Variants in ZPR1 observed in about 807,000 individuals in gnomAD.
ZPR1 encodes ZPR1 zinc finger, also known as zinc finger protein ZPR1.
Under a neutral mutation model 59.6 loss-of-function variants are expected in ZPR1, and 37 were observed. The ratio of observed to expected loss-of-function variants is 0.62; its 90% confidence interval spans 0.48 to 0.82. The LOEUF (loss-of-function observed/expected upper bound fraction) is 0.82, where lower values mean the gene tolerates loss of function less well. Among genes scored for constraint, ZPR1 ranks in the 40% least tolerant of loss-of-function variants. The probability of loss-of-function intolerance (pLI) is 0.00; values close to 1 mark genes in which losing one functional copy is unlikely to be tolerated. For synonymous variants in ZPR1, 191 were observed against 215.2 expected (o/e 0.89, Z 0.99); for missense variants, 527 against 579.9 (o/e 0.91, Z 0.94).
chr11:116,779,721 G>T, intron 13 of ZPR1, 51 bp downstream of exon 13: 1 of 1,342,192 alleles, frequency 7.5e-7, no homozygotes, highest in Non-Finnish European at 1.1e-6. Flanking sequence ...ACATATTCAA[G>T]GAAGATCAGA....
chr11:116,775,627 C>CAAAAAAAAAAAAAAAAAAAAAAAAAAAAA lies in ZPR1; in HGVS notation c.*3269_*3297dup, dbSNP rs36148817. The CAAAAAAAAAAAAAAAAAAAAAAAAAAAAA allele has an allele frequency of 1.4e-5, 1 of 72,916 alleles. No homozygotes were observed. Among genetic ancestry groups the CAAAAAAAAAAAAAAAAAAAAAAAAAAAAA allele is most frequent in the Non-Finnish European group, 2.9e-5 (1 of 34,868 alleles). 4.5% of individuals were successfully genotyped at this position (72,916 alleles called of 1,614,324 possible). On this transcript the variant is annotated 3_prime_UTR_variant, in exon 14 of 14. Transcript: ENST00000227322. ...TGGGCAACAGAGTGAGACTCCGTCTCAAAAAAAAAAAAAAAAAAAAAAAAA... is the reference window on the plus strand; with the variant it reads ...TGGGCAACAGAGTGAGACTCCGTCTCAAAAAAAAAAAAAAAAAAAAAAAAAAAAAAAAAAAAAAAAAAAAAAAAAAAAAA...
rs1255761831 is a variant in ZPR1 at position 116,783,705 on chromosome 11, CCAAT to C, written c.892-90_892-87del. ...AGACCTGGAGTGTAGGCTTGGACAT[CCAAT>C]CAGTTAGGGCCATTAATAGCTACCA... On this transcript the variant is annotated intron_variant, in intron 9 of 13. Coordinates refer to ENST00000227322, the MANE Select transcript of ZPR1 (RefSeq NM_003904.5). 2.0e-4 allele frequency: 217 copies of C among 1,101,508 alleles called. 1 individual carries two copies. The highest frequency in any genetic ancestry group is 1.8e-3 in the Middle Eastern group (9 of 5,048). The allele number at this position is 1,101,508 out of a possible 1,614,324, so 68.2% of individuals were successfully genotyped here.
At chr11:116,787,360 G>T in intron 2 of ZPR1, 122 bp downstream of exon 2, 1 of 1,066,216 alleles carries the variant, frequency 9.4e-7, no homozygotes, top group African/African-American at 1.6e-5. Flanking sequence ...TTTTACAAAA[G>T]AAACTAAGGC....
intron 4 of ZPR1, 75 bp downstream of exon 4, chr11:116,786,436 A>G: frequency 2.0e-6 from 3 of 1,537,564 alleles, no homozygotes; most frequent in Non-Finnish European, 2.7e-6. Flanking sequence ...TTAGTCAGAG[A>G]CTCTTCAGAC....
chr11:116,786,944 C>A, intron 3 of ZPR1, 25 bp downstream of exon 3: 1 of 1,594,782 alleles, frequency 6.3e-7, no homozygotes, highest in South Asian at 1.1e-5. Context: ...TGCGAACAGC[C>A]CAAATACTCT....
chr11:116,777,128 AAG>A lies in ZPR1; in HGVS notation c.*1795_*1796del, dbSNP rs892754224. 1 of 152,238 alleles carries A rather than the reference AAG, an allele frequency of 6.6e-6. No homozygotes were observed. The highest frequency in any genetic ancestry group is 1.5e-5 in the Non-Finnish European group (1 of 68,052). The allele number at this position is 152,238 out of a possible 1,614,324, so 9.4% of individuals were successfully genotyped here. ...CAGAACTCTCAGAAACAAATTTAGT[AAG>A]AGGGGAGGAGGCAAAGTGTCCAAAT... is the stretch of plus-strand genomic sequence containing the variant. On this transcript the variant is annotated 3_prime_UTR_variant, in exon 14 of 14. Coordinates refer to ENST00000227322, the MANE Select transcript of ZPR1 (RefSeq NM_003904.5).
chr11:116,784,261 A>C, intron 9 of ZPR1, 117 bp downstream of exon 9: 4 of 1,035,332 alleles, frequency 3.9e-6, no homozygotes, highest in Non-Finnish European at 5.9e-6. Flanking sequence ...CCTAAGAAAA[A>C]GACCCAAGCT....
chr11:116,787,126 G>C, intron 2 of ZPR1, 67 bp from the exon 3 acceptor site: 1 of 1,390,224 alleles, frequency 7.2e-7, no homozygotes, highest in East Asian at 2.3e-5. Flanking sequence ...GTAATAACCA[G>C]ACCGTCCCCT....
rs1224100724 is a variant in ZPR1 at position 116,784,932 on chromosome 11, A to G, written c.754-11T>C. On this transcript the variant is annotated splice_polypyrimidine_tract_variant and intron_variant, in intron 7 of 13. Transcript: ENST00000227322. ...GCTGAACTGGAGCACCTGGAACACAACATGAGGACAAAGGGTGAGCCCTCC... is the reference window on the plus strand; with the variant it reads ...GCTGAACTGGAGCACCTGGAACACAGCATGAGGACAAAGGGTGAGCCCTCC... 2 of 1,614,180 alleles carry G rather than the reference A, an allele frequency of 1.2e-6. No homozygotes were observed. Among genetic ancestry groups the G allele is most frequent in the Non-Finnish European group, 1.7e-6 (2 of 1,180,022 alleles).
At chr11:116,785,029 C>A (rs1940862897) in intron 7 of ZPR1, 70 bp downstream of exon 7, 10 of 1,609,324 alleles carry the variant, frequency 6.2e-6, no homozygotes, top group Non-Finnish European at 8.5e-6. Flanking sequence ...ACAAGGAAGA[C>A]AGATGCTGAA....
intron 10 of ZPR1, 59 bp from the exon 11 acceptor site, chr11:116,783,088 G>T: frequency 7.6e-7 from 1 of 1,318,292 alleles, no homozygotes; most frequent in Non-Finnish European, 1.1e-6. Flanking sequence ...CCAACCAGAG[G>T]CCTCCTGCCC....
Position 116,787,812 on chromosome 11 carries a change from C to G in ZPR1, c.171+8G>C. ...CACCCGCCGCTCGCGGCCGCGCCCC[C>G]GCCTCACATTGCAGTAACAGTTCAT... On this transcript the variant is annotated splice_region_variant and intron_variant, in intron 1 of 13. Transcript: ENST00000227322. 2 of 1,551,840 alleles carry G rather than the reference C, an allele frequency of 1.3e-6. No individual in the cohort carries two copies. The highest frequency in any genetic ancestry group is 1.7e-6 in the Non-Finnish European group (2 of 1,149,044).
chr11:116,784,570 G>T, intron 8 of ZPR1, 122 bp from the exon 9 acceptor site: 1 of 1,042,120 alleles, frequency 9.6e-7, no homozygotes, highest in Non-Finnish European at 1.5e-6. Context: ...ATTCACAAGA[G>T]GCAGCCCACA....
intron 4 of ZPR1, 101 bp downstream of exon 4, chr11:116,786,410 A>C (rs1591310027): frequency 1.5e-6 from 2 of 1,334,572 alleles, no homozygotes; most frequent in East Asian, 4.6e-5. Flanking sequence ...ATGCTTACCC[A>C]GCAAGTTTCC....
rs199577752 is a variant in ZPR1, at chr11:116,787,876, C to T, written c.115G>A (p.Asp39Asn). 6.7e-5 allele frequency: 103 copies of T among 1,531,486 alleles called. No individual in the cohort carries two copies. The highest frequency in any genetic ancestry group is 8.0e-5 in the Non-Finnish European group (91 of 1,140,118). 94.9% of individuals were successfully genotyped at this position (1,531,486 alleles called of 1,614,324 possible). A position where few individuals can be genotyped will look rare whatever the true frequency, so the allele number is the denominator to read the frequency against. The change falls in exon 1 of 14, where the codon GAC becomes AAC. Residue 39 changes from aspartate (D) to asparagine (N), a missense_variant. By Grantham distance (23) the Asp-to-Asn change is conservative. Coordinates refer to ENST00000227322, the MANE Select transcript of ZPR1 (RefSeq NM_003904.5). ...DHLFRPISAE[D>N]EEQQPTEIES... is the part of the protein sequence containing the mutation. ...ATCTCGGTGGGCTGCTGCTCCTCGT[C>T]CTCGGCGCTGATGGGCCGGAACAGG... is the stretch of plus-strand genomic sequence containing the variant.
Position 116,787,824 on chromosome 11 carries a change from C to T in ZPR1, c.167G>A (p.Cys56Tyr). The T allele has an allele frequency of 1.9e-6, 3 of 1,556,804 alleles. No individual in the cohort carries two copies. Among genetic ancestry groups the T allele is most frequent in the Admixed American group, 1.9e-5 (1 of 52,188 alleles). ...GCGGCCGCGCCCCCGCCTCACATTGCAGTAACAGTTCATGCATAGCGACTC... is the reference window on the plus strand; with the variant it reads ...GCGGCCGCGCCCCCGCCTCACATTGTAGTAACAGTTCATGCATAGCGACTC... ...EIESLCMNCYCNGMTRLLLTK... is the reference protein window; with the variant it reads ...EIESLCMNCYYNGMTRLLLTK... The change falls in exon 1 of 14, where the codon TGC becomes TAC. Residue 56 changes from cysteine to tyrosine, a missense_variant. Cys to Tyr is a radical substitution (Grantham distance 194, BLOSUM62 -2). Transcript: ENST00000227322.
intron 4 of ZPR1, 50 bp downstream of exon 4, chr11:116,786,461 A>G (rs369134468): frequency 3.7e-5 from 60 of 1,607,780 alleles, no homozygotes; most frequent in Non-Finnish European, 4.9e-5. Context: ...GGGACACTCT[A>G]TATAAGCAAT....
intron 13 of ZPR1, 62 bp downstream of exon 13, chr11:116,779,710 T>A: frequency 8.0e-7 from 1 of 1,243,864 alleles, no homozygotes; most frequent in Non-Finnish European, 1.2e-6. Flanking sequence ...AGGGAAATGA[T>A]ACATATTCAA....
intron 13 of ZPR1, 42 bp from the exon 14 acceptor site, chr11:116,779,101 C>G (rs187347960): frequency 6.2e-7 from 1 of 1,606,712 alleles, no homozygotes. Flanking sequence ...CTGTGCCACT[C>G]CCCCTCTCTG....
Sources: allele counts gnomAD v4.1 joint callset, GRCh38; gene constraint gnomAD v4.1.1; transcripts MANE v1.5; gene names NCBI Gene and HGNC (gene_info 2026-07-23, HGNC 2026-07-21).